The following UXS1 variants were observed in gnomAD, a reference collection of about 807,000 sequenced individuals.
The protein encoded by UXS1 is UDP-glucuronate decarboxylase 1, also known as UDP-glucuronic acid decarboxylase 1.
A neutral mutation model predicts 62.6 loss-of-function variants in UXS1; 33 were observed. The ratio of observed to expected loss-of-function variants is 0.53; its 90% CI spans 0.40 to 0.70. UXS1 has a LOEUF of 0.70. Ranked by LOEUF, UXS1 falls within the 30% of genes least tolerant of loss-of-function variation. The pLI is 0.00. For synonymous variants in UXS1, 213 were observed against 206.8 expected (o/e 1.03, Z -0.26); for missense variants, 434 against 556.3 (o/e 0.78, Z 2.21).
chr2:106,172,223 G>A lies in UXS1; in HGVS notation c.95-6140C>T, dbSNP rs1210071413. Among the ~76,000 whole-genome samples, 5 of 152,306 alleles carry A rather than the reference G, an allele frequency of 3.3e-5. No individual in the cohort carries two copies. In the East Asian group the frequency reaches 7.7e-4, roughly 24 times the overall value. ...AAGGCCTGGCTGGGTGACAAGCAGTGGGGGGCGGGGTGGATCCACCTCAGA... is the reference window on the plus strand; with the variant it reads ...AAGGCCTGGCTGGGTGACAAGCAGTAGGGGGCGGGGTGGATCCACCTCAGA... On this transcript the variant is annotated intron_variant, in intron 1 of 14. Coordinates refer to ENST00000283148, the MANE Select transcript of UXS1 (RefSeq NM_001253875.2).
At chr2:106,185,275 A>G (rs1039940896) in intron 1 of UXS1, among the ~76,000 whole-genome samples, 4 of 152,218 alleles carry the variant, frequency 2.6e-5, no homozygotes, top group Non-Finnish European at 5.9e-5. Flanking sequence ...TACCTTGACT[A>G]CTTTACCTTG....
chr2:106,175,757 T>A (rs1377464326), intron 1 of UXS1, among the ~76,000 whole-genome samples: 1 of 152,160 alleles, frequency 6.6e-6, no homozygotes, highest in Non-Finnish European at 1.5e-5. Flanking sequence ...CCCCTGCAAG[T>A]GGATGCTCTA....
intron 1 of UXS1, among the ~76,000 whole-genome samples, chr2:106,178,594 G>A (rs902570457): frequency 5.9e-5 from 9 of 151,838 alleles, no homozygotes; most frequent in African/African-American, 2.2e-4. Flanking sequence ...ATATGTACAT[G>A]TATGTGTGTG....
intron 4 of UXS1, 147 bp downstream of exon 4, chr2:106,163,520 T>C (rs1044451913): frequency 4.1e-6 from 2 of 490,614 alleles, no homozygotes; most frequent in South Asian, 3.3e-5. Flanking sequence ...CCCCATGTTC[T>C]ATCTGGGTAT....
At chr2:106,181,767 G>A (rs909027253) in intron 1 of UXS1, among the ~76,000 whole-genome samples, 1 of 152,160 alleles carries the variant, frequency 6.6e-6, no homozygotes, top group African/African-American at 2.4e-5. Context: ...AGAAGAAAAA[G>A]TAAATTCAGA....
At chr2:106,118,436 C>CA (rs35906820) in intron 9 of UXS1, among the ~76,000 whole-genome samples, 38,123 of 151,956 alleles carry the variant, frequency 0.25, 5,166 homozygotes, top group Non-Finnish European at 0.31. Context: ...CCACAGACCT[C>CA]AGAGTCAGAC....
In UXS1 at chr2:106,185,990, T is replaced by G. The variant is rs1684523918; in HGVS notation, c.94+8158A>C. Among the ~76,000 whole-genome samples the G allele has an allele frequency of 5.3e-5, 8 of 152,292 alleles. No individual in the cohort carries two copies. In the South Asian group the frequency reaches 1.7e-3, roughly 32 times the overall value. ...TCAAAGGCACCTAATTTGGAGTAAT[T>G]TGTTACAGCAGCCACGGGAAACTAA... On this transcript the variant is annotated intron_variant, in intron 1 of 14. Transcript: ENST00000283148.
At position 106,093,994 on chromosome 2, in the gene UXS1, A is replaced by G; in HGVS notation, c.*32T>C. 1.9e-6 allele frequency: 3 copies of G among 1,580,322 alleles called. No individual in the cohort carries two copies. Among genetic ancestry groups the G allele is most frequent in the Non-Finnish European group, 2.6e-6 (3 of 1,168,424 alleles). ...CAAAAATACATCCCATCAAGTGTAC[A>G]ATGGTAGTCTTGTGTCCTAAAAGTG... On this transcript the variant is annotated 3_prime_UTR_variant, in exon 15 of 15. Transcript: ENST00000283148.
At chr2:106,158,686 G>A (rs116807160) in intron 4 of UXS1, among the ~76,000 whole-genome samples, 2,304 of 152,262 alleles carry the variant, frequency 0.015, 32 homozygotes, top group Admixed American at 0.049. Context: ...AGTTATGGTA[G>A]GGTCTGAACT....
chr2:106,177,447 C>T (rs1683959219), intron 1 of UXS1, among the ~76,000 whole-genome samples: 3 of 152,188 alleles, frequency 2.0e-5, no homozygotes, highest in Non-Finnish European at 2.9e-5. Flanking sequence ...CCACCTTTTT[C>T]GGCCTCCCAA....
intron 5 of UXS1, among the ~76,000 whole-genome samples, chr2:106,154,927 T>C (rs540616046): frequency 6.6e-6 from 1 of 152,338 alleles, no homozygotes; most frequent in African/African-American, 2.4e-5. Flanking sequence ...AGGCTGTACA[T>C]GAAGCATGGC....
chr2:106,118,872 T>C (rs577225674), intron 9 of UXS1, among the ~76,000 whole-genome samples: 16 of 152,346 alleles, frequency 1.1e-4, no homozygotes, highest in African/African-American at 3.8e-4. Flanking sequence ...TATAGGATCT[T>C]GACAATAAAA....
rs183306931 is a variant in UXS1 at position 106,138,451 on chromosome 2, C to T, written c.472+6739G>A. 3.5e-4 allele frequency: 344 copies of T among 985,474 alleles called. 1 individual carries two copies. The African/African-American group carries it at 4.8e-3, about 14-fold the overall frequency. 61.0% of individuals were successfully genotyped at this position (985,474 alleles called of 1,614,324 possible). A position where few individuals can be genotyped will look rare whatever the true frequency, so the allele number is the denominator to read the frequency against. ...GAGGGAGGGGAGGCCCCCTCGGTCA[C>T]CCACAAATGCAGACTCCTGAGCCCA... On this transcript the variant is annotated intron_variant, in intron 6 of 14. Transcript: ENST00000283148.
intron 10 of UXS1, among the ~76,000 whole-genome samples, chr2:106,111,454 C>CACA: frequency 6.6e-6 from 1 of 152,194 alleles, no homozygotes; most frequent in African/African-American, 2.4e-5. Flanking sequence ...GGAGAGTCAT[C>CACA]CCACTGTGTA....
At chr2:106,157,739 A>C (rs764023459) in intron 5 of UXS1, among the ~76,000 whole-genome samples, 21 of 152,252 alleles carry the variant, frequency 1.4e-4, no homozygotes, top group Non-Finnish European at 2.6e-4. Context: ...TCTTGAAGAC[A>C]GATCAAATAT....
At chr2:106,141,817 T>C (rs950987504) in intron 6 of UXS1, among the ~76,000 whole-genome samples, 12 of 151,636 alleles carry the variant, frequency 7.9e-5, no homozygotes, top group Non-Finnish European at 1.6e-4. Flanking sequence ...ATGTTTTTAA[T>C]TGGAAAAAAA....
chr2:106,106,154 C>G (rs912931666), intron 10 of UXS1, among the ~76,000 whole-genome samples: 1 of 152,144 alleles, frequency 6.6e-6, no homozygotes, highest in South Asian at 2.1e-4. Flanking sequence ...CACCGGAGGT[C>G]GGGAGTTCGA....
chr2:106,153,477 G>A (rs1459095577), intron 5 of UXS1, among the ~76,000 whole-genome samples: 1 of 152,162 alleles, frequency 6.6e-6, no homozygotes, highest in Non-Finnish European at 1.5e-5. Flanking sequence ...ACACTGGAGT[G>A]GCGGGGACGG....
At chr2:106,158,818 C>A (rs1212632114) in intron 4 of UXS1, among the ~76,000 whole-genome samples, 1 of 152,220 alleles carries the variant, frequency 6.6e-6, no homozygotes, top group Non-Finnish European at 1.5e-5. Flanking sequence ...ACTTCTCCAA[C>A]AACTTCTACA....
Sources: gnomAD v4.1 joint callset for allele counts (sites outside exome capture counted in the v4.1 genomes callset) on GRCh38, gnomAD v4.1.1 for gene constraint, MANE v1.5 for transcripts, NCBI Gene and HGNC (gene_info 2026-07-23, HGNC 2026-07-21) for gene names.